Variants in STK32C observed in about 807,000 individuals in gnomAD.
STK32C encodes serine/threonine-protein kinase 32C.
STK32C carries 31 observed loss-of-function variants against 56.5 expected under a neutral mutation model. That is an observed-to-expected ratio of 0.55 (90% confidence interval 0.41 to 0.74). STK32C has a LOEUF of 0.74. Ranked by LOEUF, STK32C falls within the 30% of genes least tolerant of loss-of-function variation. The pLI, the probability that STK32C is intolerant of heterozygous loss-of-function variation, is 0.00. For missense variants in STK32C, 544 were observed against 676.9 expected, an observed-to-expected ratio of 0.80 and a Z score of 2.18; for synonymous variants, 309 against 289.4, an observed-to-expected ratio of 1.07 and a Z score of -0.69.
chr10:132,241,269 C>T (rs1426096990), intron 2 of STK32C, among the ~76,000 whole-genome samples: 4 of 152,352 alleles, frequency 2.6e-5, no homozygotes, highest in Middle Eastern at 3.4e-3. Flanking sequence ...CCAAAGAGGA[C>T]GCCGACTGCC....
Position 132,245,753 on chromosome 10 carries a change from C to G in STK32C, c.318+147G>C, listed in dbSNP as rs906245493. 5.2e-6 allele frequency: 4 copies of G among 763,142 alleles called. No individual in the cohort carries two copies. The African/African-American group carries it at 6.9e-5, about 13-fold the overall frequency. 47.3% of individuals were successfully genotyped at this position (763,142 alleles called of 1,614,324 possible). A position where few individuals can be genotyped will look rare whatever the true frequency, so the allele number is the denominator to read the frequency against. On this transcript the variant is annotated intron_variant, in intron 2 of 11. Transcript: ENST00000298630. ...CCTCCGTGGCAGGAGTGCCCACGTC[C>G]TCCCTAAAAGACCTGGAGCCTCTGC...
chr10:132,242,340 C>T (rs2063533886), intron 2 of STK32C, among the ~76,000 whole-genome samples: 1 of 152,018 alleles, frequency 6.6e-6, no homozygotes, highest in Non-Finnish European at 1.5e-5. Context: ...CGGAAGGGCA[C>T]GGGTGGTGAA....
intron 1 of STK32C, among the ~76,000 whole-genome samples, chr10:132,296,525 A>T (rs2065752775): frequency 1.3e-5 from 2 of 152,190 alleles, no homozygotes. Context: ...GAAATTTAAA[A>T]GGCCACATAG....
At chr10:132,276,687 T>A (rs904690521) in intron 1 of STK32C, among the ~76,000 whole-genome samples, 5 of 151,452 alleles carry the variant, frequency 3.3e-5, no homozygotes, top group Admixed American at 2.0e-4. Flanking sequence ...CTCAGGAGAC[T>A]GGGGCGGGAG....
chr10:132,325,167 C>T (rs2066471493), intron 1 of STK32C, among the ~76,000 whole-genome samples: 2 of 152,170 alleles, frequency 1.3e-5, no homozygotes, highest in Middle Eastern at 3.4e-3. Flanking sequence ...GGGAGGGACC[C>T]GGTGGGAGGT....
At chr10:132,208,971 C>T in intron 11 of STK32C, 63 bp downstream of exon 11, 3 of 1,540,122 alleles carry the variant, frequency 1.9e-6, no homozygotes, top group Non-Finnish European at 2.7e-6. Context: ...CCAAGAAAAC[C>T]TTAACCTTAG....
At chr10:132,245,216 G>A (rs941763476) in intron 2 of STK32C, among the ~76,000 whole-genome samples, 5 of 152,220 alleles carry the variant, frequency 3.3e-5, no homozygotes, top group Non-Finnish European at 7.3e-5. Flanking sequence ...GAGGGAGGCA[G>A]CACCCATCTG....
chr10:132,225,811 G>A (rs1379168430), intron 4 of STK32C, 27 bp from the exon 5 acceptor site: 5 of 1,613,386 alleles, frequency 3.1e-6, no homozygotes, highest in Admixed American at 1.7e-5. Context: ...GTGGGAAGGT[G>A]AGTTGGGAAT....
exon 2 of STK32C, chr10:132,324,166 C>T: frequency 1.3e-6 from 1 of 756,154 alleles, no homozygotes; most frequent in Non-Finnish European, 2.5e-6. Context: ...GGGGATGAGT[C>T]TGAGTCTCCC....
chr10:132,269,173 G>A (rs1590339205), intron 1 of STK32C, among the ~76,000 whole-genome samples: 1 of 149,960 alleles, frequency 6.7e-6, no homozygotes, highest in African/African-American at 2.5e-5. Context: ...GTGTGCATGT[G>A]TCACATCGTG....
chr10:132,248,178 G>A (rs2063757065), intron 1 of STK32C, among the ~76,000 whole-genome samples: 1 of 152,260 alleles, frequency 6.6e-6, no homozygotes, highest in Non-Finnish European at 1.5e-5. Flanking sequence ...GGGAGCAGCT[G>A]CCGCCATGTG....
intron 1 of STK32C, among the ~76,000 whole-genome samples, chr10:132,286,047 A>AC (rs1313180154): frequency 6.6e-6 from 1 of 151,770 alleles, no homozygotes; most frequent in Non-Finnish European, 1.5e-5. Context: ...AATGGCGTGA[A>AC]CCCGGGAAGT....
chr10:132,223,289 C>A (rs1031878581), intron 8 of STK32C, among the ~76,000 whole-genome samples: 19 of 152,222 alleles, frequency 1.2e-4, no homozygotes, highest in African/African-American at 4.3e-4. Context: ...CAGGAGGTGG[C>A]AGCCGAGGCC....
intron 1 of STK32C, among the ~76,000 whole-genome samples, chr10:132,326,056 A>G (rs1250605430): frequency 6.6e-6 from 1 of 152,062 alleles, no homozygotes; most frequent in African/African-American, 2.4e-5. Flanking sequence ...ATGGACTAAC[A>G]TGGTTTCCTA....
chr10:132,245,812 A>C, intron 2 of STK32C, 88 bp downstream of exon 2: 1 of 1,325,594 alleles, frequency 7.5e-7, no homozygotes, highest in African/African-American at 1.4e-5. Context: ...GGAGGATGGG[A>C]GTAGGTGGGC....
chr10:132,283,271 T>C (rs2065272265), intron 1 of STK32C, among the ~76,000 whole-genome samples: 1 of 151,644 alleles, frequency 6.6e-6, no homozygotes, highest in South Asian at 2.1e-4. Context: ...CGCTGATCAG[T>C]GGCTTTGGGG....
At chr10:132,253,317 T>C (rs2063972514) in intron 1 of STK32C, among the ~76,000 whole-genome samples, 1 of 151,896 alleles carries the variant, frequency 6.6e-6, no homozygotes, top group South Asian at 2.1e-4. Context: ...AAAAGGAAGC[T>C]GGAGGGAGCA....
intron 1 of STK32C, among the ~76,000 whole-genome samples, chr10:132,289,599 G>A (rs566217775): frequency 1.3e-5 from 2 of 152,322 alleles, no homozygotes; most frequent in African/African-American, 2.4e-5. Context: ...TCTTACAGCT[G>A]TAAAGGCTGG....
chr10:132,212,435 C>A (rs1036660229), intron 10 of STK32C, among the ~76,000 whole-genome samples: 2 of 152,184 alleles, frequency 1.3e-5, no homozygotes, highest in African/African-American at 2.4e-5. Context: ...ATGAATCACA[C>A]AGCTAAACGC....
Sources: gnomAD v4.1 joint callset for allele counts (sites outside exome capture counted in the v4.1 genomes callset) on GRCh38, gnomAD v4.1.1 for gene constraint, MANE v1.5 for transcripts, NCBI Gene and HGNC (gene_info 2026-07-23, HGNC 2026-07-21) for gene names.